RADIL: variants seen among roughly 807,000 people sequenced by gnomAD.
RADIL encodes the protein ras-associating and dilute domain-containing protein.
Under a neutral mutation model 97.6 loss-of-function variants are expected in RADIL, and 99 were observed. The ratio of observed to expected loss-of-function variants is 1.01; its 90% CI spans 0.86 to 1.20. The LOEUF (loss-of-function observed/expected upper bound fraction) is 1.20, where lower values mean the gene tolerates loss of function less well. RADIL is among the 50% of genes most tolerant of loss of function. The pLI is 0.00. For missense variants in RADIL, 1,765 were observed against 1,498.9 expected (o/e 1.18, Z -2.93); for synonymous variants, 803 against 691.8 (o/e 1.16, Z -2.52).
chr7:4,843,478 A>G (rs1157919983), intron 2 of RADIL, among the ~76,000 whole-genome samples: 7 of 152,236 alleles, frequency 4.6e-5, no homozygotes, highest in Admixed American at 1.3e-4. Context: ...CCGTAGGACC[A>G]TCAAGCAGTC....
chr7:4,840,962 G>A lies in RADIL; in HGVS notation c.536-4357C>T, dbSNP rs910651047. On this transcript the variant is annotated intron_variant, in intron 2 of 14. Coordinates refer to ENST00000399583, the MANE Select transcript of RADIL (RefSeq NM_018059.5). This position sits in a 1 kb window ranked among gnomAD's most constrained non-coding sequence, Gnocchi z 5.6. ...AGCCTGGGTGACAGAGCGAGACTCC[G>A]TCTCAAAACAAAACAAAACAACAAC... is the stretch of plus-strand genomic sequence containing the variant. Among the ~76,000 whole-genome samples the A allele has an allele frequency of 5.3e-5, 8 of 152,266 alleles. No individual in the cohort carries two copies. Among genetic ancestry groups the A allele is most frequent in the South Asian group, 2.1e-4 (1 of 4,820 alleles).
Position 4,835,208 on chromosome 7 carries a change from C to G in RADIL, c.815G>C (p.Arg272Pro). 3 of 1,611,486 alleles carry G rather than the reference C, an allele frequency of 1.9e-6. No individual in the cohort carries two copies. Among genetic ancestry groups the G allele is most frequent in the Admixed American group, 1.7e-5 (1 of 59,974 alleles). Residue 272 changes from arginine to proline, a missense_variant, in exon 4 of 15, where the codon CGG becomes CCG. Arg to Pro is a moderately radical substitution (Grantham distance 103). Transcript: ENST00000399583. The surrounding 1 kb of genome is among the most constrained non-coding windows in gnomAD (Gnocchi z 5.8). ...DSLVYVLNRD[R>P]HTVGQRTPSS... Reference sequence around the variant, plus strand: ...GGGGGTCCGCTGGCCCACCGTGTGCCGGTCCCGGTTGAGCACATACACCAG... The same window carrying G: ...GGGGGTCCGCTGGCCCACCGTGTGCGGGTCCCGGTTGAGCACATACACCAG...
chr7:4,877,552 G>A (rs560080509), intron 2 of RADIL, 53 bp downstream of exon 2: 330 of 1,531,760 alleles, frequency 2.2e-4, no homozygotes, highest in Non-Finnish European at 2.5e-4. Flanking sequence ...ACCTCGGCTG[G>A]CCTTCTCAGC....
Position 4,799,580 on chromosome 7 carries a change from T to C in RADIL, c.3122+50A>G, listed in dbSNP as rs776403186. On this transcript the variant is annotated intron_variant, in intron 14 of 14. Transcript: ENST00000399583. ...CTCCTTTACCCCAGGTCCACTCCCC[T>C]GAGCAGGGCATCTGGGAGAAGGGGC... 5.6e-6 allele frequency: 9 copies of C among 1,607,766 alleles called. No individual in the cohort carries two copies. In the African/African-American group the frequency reaches 1.1e-4, roughly 19 times the overall value.
chr7:4,812,200 T>G (rs192555285), intron 9 of RADIL, among the ~76,000 whole-genome samples: 1 of 152,288 alleles, frequency 6.6e-6, no homozygotes, highest in Non-Finnish European at 1.5e-5. Flanking sequence ...CTCTAAAGCA[T>G]GCAGGACCAT....
chr7:4,870,258 C>T (rs1784222763), intron 2 of RADIL, among the ~76,000 whole-genome samples: 1 of 152,146 alleles, frequency 6.6e-6, no homozygotes, highest in South Asian at 2.1e-4. Flanking sequence ...TATCTGACAC[C>T]TCTGAAAACA....
chr7:4,832,253 C>T, intron 4 of RADIL, 75 bp from the exon 5 acceptor site: 2 of 1,361,594 alleles, frequency 1.5e-6, no homozygotes, highest in Admixed American at 1.9e-5. Flanking sequence ...ATACACGATA[C>T]CATCGACAGG....
intron 9 of RADIL, chr7:4,809,420 G>C (rs560294906): frequency 1.0e-6 from 1 of 985,284 alleles, no homozygotes; most frequent in Admixed American, 6.1e-5. Flanking sequence ...CCTCCTTTCC[G>C]TGCACACAGG....
intron 2 of RADIL, chr7:4,865,800 C>T (rs1332153072): frequency 1.2e-6 from 1 of 847,864 alleles, no homozygotes; most frequent in Non-Finnish European, 2.0e-6. Flanking sequence ...TCACAGGAGC[C>T]ATGGCAGCAG....
rs111307092 is a variant in RADIL at position 4,874,915 on chromosome 7, G to A, written c.535+2690C>T. Among the ~76,000 whole-genome samples, 1,104 of 150,022 alleles carry A rather than the reference G, an allele frequency of 7.4e-3. 5 individuals are homozygous for A. The highest frequency in any genetic ancestry group is 0.025 in the African/African-American group (1,001 of 39,498). On this transcript the variant is annotated intron_variant, in intron 2 of 14. Transcript: ENST00000399583. ...TCTACTAAAAATACAAAAATTGGCCGGGCGCGGTGGCTCACGCCTGTAATC... is the reference window on the plus strand; with the variant it reads ...TCTACTAAAAATACAAAAATTGGCCAGGCGCGGTGGCTCACGCCTGTAATC...
At position 4,822,539 on chromosome 7, in the gene RADIL, C is replaced by T. The variant is rs1562437193; in HGVS notation, c.1470G>A (p.Ser490=). ...EKQAQLQEPI[S]LASCAMADLV... The stretch of plus-strand genomic sequence containing the variant: ...GATCAGCCATGGCGCAGCTGGCCAG[C>T]GAGATGGGCTCCTGGCTACCAAGAC... The change falls in exon 6 of 15, where the codon TCG becomes TCA. Residue 490 remains serine, a synonymous_variant. Coordinates refer to ENST00000399583, the MANE Select transcript of RADIL (RefSeq NM_018059.5). The surrounding 1 kb of genome is among the most constrained non-coding windows in gnomAD (Gnocchi z 5.3). 9 of 1,612,676 alleles carry T rather than the reference C, an allele frequency of 5.6e-6. No individual in the cohort carries two copies. Among genetic ancestry groups the T allele is most frequent in the South Asian group, 1.1e-5 (1 of 91,052 alleles).
At chr7:4,811,281 G>C (rs57839509) in intron 9 of RADIL, 20,983 of 152,232 alleles carry the variant, frequency 0.14, 1,913 homozygotes, top group African/African-American at 0.26. Context: ...CAATACACTC[G>C]GACCAGCCTG....
chr7:4,845,271 G>T (rs945037067), intron 2 of RADIL, among the ~76,000 whole-genome samples: 3 of 152,074 alleles, frequency 2.0e-5, no homozygotes, highest in African/African-American at 7.2e-5. Flanking sequence ...ATAAAAAGAT[G>T]AACCAGATGT....
At chr7:4,843,469 C>T (rs750529908) in intron 2 of RADIL, among the ~76,000 whole-genome samples, 8 of 152,070 alleles carry the variant, frequency 5.3e-5, no homozygotes, top group Non-Finnish European at 1.2e-4. Flanking sequence ...GACACAGAGC[C>T]GTAGGACCAT....
intron 7 of RADIL, among the ~76,000 whole-genome samples, chr7:4,816,900 A>G (rs1170899765): frequency 6.6e-6 from 1 of 152,184 alleles, no homozygotes; most frequent in Non-Finnish European, 1.5e-5. Flanking sequence ...CCGTGGGTCC[A>G]GGGTGACAAC....
Position 4,799,429 on chromosome 7 carries a change from C to G in RADIL, c.3177G>C (p.Lys1059Asn). ...TCTTCTTGGCTGTTTCCACGTCGGA[C>G]TTCGCGACCAGGAACCGCATCTTCT... is the stretch of plus-strand genomic sequence containing the variant. ...GGKKMRFLVAKSDVETAKKIH... is the reference protein window; with the variant it reads ...GGKKMRFLVANSDVETAKKIH... The change falls in exon 15 of 15, where the codon AAG (lysine) becomes AAC (asparagine). Residue 1059 changes from lysine to asparagine, a missense_variant. By Grantham distance (94) the Lys-to-Asn change is moderately conservative. Coordinates refer to ENST00000399583, the MANE Select transcript of RADIL (RefSeq NM_018059.5). 1 of 1,613,850 alleles carries G rather than the reference C, an allele frequency of 6.2e-7. No individual in the cohort carries two copies. Among genetic ancestry groups the G allele is most frequent in the Non-Finnish European group, 8.5e-7 (1 of 1,179,998 alleles).
intron 5 of RADIL, among the ~76,000 whole-genome samples, chr7:4,826,748 A>AC (rs1782993448): frequency 6.6e-6 from 1 of 152,028 alleles, no homozygotes; most frequent in Non-Finnish European, 1.5e-5. Flanking sequence ...AAAAAAACAA[A>AC]AAAAAAAACC....
At chr7:4,800,149 G>T (rs1346746433) in intron 13 of RADIL, 22 bp downstream of exon 13, 3 of 1,577,922 alleles carry the variant, frequency 1.9e-6, no homozygotes, top group Non-Finnish European at 2.6e-6. Flanking sequence ...TGGGGGTGCG[G>T]CGAGGGTCCT....
chr7:4,816,701 C>A (rs1325682591), intron 7 of RADIL, among the ~76,000 whole-genome samples: 2 of 152,212 alleles, frequency 1.3e-5, no homozygotes, highest in Non-Finnish European at 2.9e-5. Flanking sequence ...TCAGGGGGAT[C>A]TGCTGTCGGA....
Sources: allele counts gnomAD v4.1 joint callset (sites outside exome capture counted in the v4.1 genomes callset), GRCh38; gene constraint gnomAD v4.1.1; non-coding constraint Gnocchi (gnomAD v3.1); transcripts MANE v1.5; gene names NCBI Gene and HGNC (gene_info 2026-07-23, HGNC 2026-07-21).